EXOC2: variants seen among roughly 807,000 people sequenced by gnomAD.
The protein encoded by EXOC2 is exocyst complex component 2.
EXOC2 carries 70 observed loss-of-function variants against 131.8 expected under a neutral mutation model. The observed-to-expected ratio is 0.53, with a 90% CI of 0.44 to 0.65. EXOC2 has a LOEUF of 0.65. EXOC2 is among the 30% of genes least tolerant of loss of function. The pLI, the probability that EXOC2 is intolerant of heterozygous loss-of-function variation, is 0.00. For missense variants in EXOC2, 923 were observed against 1,108.6 expected, an observed-to-expected ratio of 0.83 and a Z score of 2.38; for synonymous variants, 411 against 398.4, an observed-to-expected ratio of 1.03 and a Z score of -0.38.
intron 12 of EXOC2, among the ~76,000 whole-genome samples, chr6:574,737 T>C (rs1271589907): frequency 2.0e-5 from 3 of 152,256 alleles, no homozygotes; most frequent in African/African-American, 7.2e-5. Context: ...CAAAACTCAC[T>C]CTGAATGCTG....
chr6:503,912 CTT>C (rs1203310242), intron 23 of EXOC2, among the ~76,000 whole-genome samples: 1 of 152,212 alleles, frequency 6.6e-6, no homozygotes, highest in East Asian at 1.9e-4. Flanking sequence ...CCAAGTAAGA[CTT>C]TTACTCCCAT....
chr6:536,858 TA>T (rs1766472734), intron 22 of EXOC2, among the ~76,000 whole-genome samples: 1 of 152,144 alleles, frequency 6.6e-6, no homozygotes, highest in African/African-American at 2.4e-5. Context: ...GTTCAAAAGA[TA>T]TTATAAAAAC....
intron 1 of EXOC2, among the ~76,000 whole-genome samples, chr6:677,964 A>ACT (rs1311505472): frequency 1.3e-5 from 2 of 149,554 alleles, no homozygotes; most frequent in Non-Finnish European, 3.0e-5. Flanking sequence ...ACACACACAC[A>ACT]CTCTTCACGT....
At chr6:691,158 C>T (rs968970602) in intron 1 of EXOC2, among the ~76,000 whole-genome samples, 3 of 152,178 alleles carry the variant, frequency 2.0e-5, no homozygotes, top group Non-Finnish European at 2.9e-5. Flanking sequence ...ATTAAAAGTT[C>T]TTTGCTAGAA....
chr6:604,426 C>T (rs1435320827), intron 7 of EXOC2, among the ~76,000 whole-genome samples: 1 of 152,202 alleles, frequency 6.6e-6, no homozygotes, highest in Non-Finnish European at 1.5e-5. Flanking sequence ...AACATGCCTA[C>T]CGTCCACTTC....
At chr6:685,321 G>C (rs1223755005) in intron 1 of EXOC2, among the ~76,000 whole-genome samples, 1 of 152,116 alleles carries the variant, frequency 6.6e-6, no homozygotes, top group Non-Finnish European at 1.5e-5. Context: ...AGTTTCAACA[G>C]TAAAATTAGG....
chr6:543,255 G>A (rs1431297849), intron 22 of EXOC2, among the ~76,000 whole-genome samples: 2 of 152,160 alleles, frequency 1.3e-5, no homozygotes, highest in Admixed American at 1.3e-4. Flanking sequence ...AAAATGTGGT[G>A]CATATACACA....
At chr6:531,196 C>T (rs182729910) in intron 23 of EXOC2, among the ~76,000 whole-genome samples, 5 of 152,266 alleles carry the variant, frequency 3.3e-5, no homozygotes, top group African/African-American at 9.6e-5. Flanking sequence ...TTGAGTCCAG[C>T]TGGAGAGGGG....
At chr6:599,035 T>A (rs1044407120) in intron 8 of EXOC2, 45 bp downstream of exon 8, 10 of 1,570,076 alleles carry the variant, frequency 6.4e-6, no homozygotes, top group Non-Finnish European at 8.6e-6. Context: ...CTTAAAAATG[T>A]ATGACATCTA....
intron 23 of EXOC2, among the ~76,000 whole-genome samples, chr6:526,432 A>ATTTTTTTTTTTTTTTTTTTTTTTTTT (rs70985804): frequency 2.6e-5 from 2 of 76,008 alleles, no homozygotes; most frequent in Non-Finnish European, 4.9e-5. Flanking sequence ...TTCTTTGTGG[A>ATTTTTTTTTTTTTTTTTTTTTTTTTT]TTTTTTTTTT....
intron 1 of EXOC2, among the ~76,000 whole-genome samples, chr6:664,023 C>T (rs1763529415): frequency 1.3e-5 from 2 of 152,234 alleles, no homozygotes; most frequent in Admixed American, 6.5e-5. Context: ...TTATCGTTTA[C>T]CTTGAAAACT....
chr6:691,172 T>C (rs539991159), intron 1 of EXOC2, among the ~76,000 whole-genome samples: 1 of 152,354 alleles, frequency 6.6e-6, no homozygotes, highest in Admixed American at 6.5e-5. Context: ...GCTAGAAGAC[T>C]ATTTTTTCAG....
chr6:598,778 T>A, intron 9 of EXOC2, 82 bp downstream of exon 9: 1 of 1,141,948 alleles, frequency 8.8e-7, no homozygotes, highest in Non-Finnish European at 1.3e-6. Flanking sequence ...TAAAAACTCA[T>A]ATAACATTCT....
At chr6:491,234 C>A in intron 25 of EXOC2, 48 bp from the exon 26 acceptor site, 1 of 1,576,116 alleles carries the variant, frequency 6.3e-7, no homozygotes, top group South Asian at 1.1e-5. Context: ...TTTATATTAT[C>A]AAATATAAAC....
intron 3 of EXOC2, 130 bp from the exon 4 acceptor site, chr6:630,091 G>T: frequency 8.9e-7 from 1 of 1,121,082 alleles, no homozygotes. Context: ...AGAGATTTGA[G>T]GACATAACAG....
At chr6:522,249 C>T (rs184912665) in intron 23 of EXOC2, among the ~76,000 whole-genome samples, 14 of 151,372 alleles carry the variant, frequency 9.2e-5, no homozygotes, top group African/African-American at 7.3e-5. Context: ...AAGGTGTCTC[C>T]AGGCCTCAGG....
chr6:617,542 C>G (rs1242572599), intron 6 of EXOC2, among the ~76,000 whole-genome samples, 169 bp downstream of exon 6: 1 of 152,148 alleles, frequency 6.6e-6, no homozygotes, highest in Admixed American at 6.5e-5. Flanking sequence ...TTTAAAGTAC[C>G]AAGTCTTCAA....
At chr6:507,235 C>CAG (rs1420304042) in intron 23 of EXOC2, among the ~76,000 whole-genome samples, 4 of 74,058 alleles carry the variant, frequency 5.4e-5, no homozygotes, top group African/African-American at 2.4e-4. Context: ...CACACACACA[C>CAG]AGCAGTGACC....
rs1017028111 is a variant in EXOC2, at chr6:633,480, CAT to C, written c.119-365_119-364del. On this transcript the variant is annotated intron_variant, in intron 2 of 27. Transcript: ENST00000230449. ...TATTATTTGAAGTCTCAGTTATTAA[CAT>C]AGAATTTTAAAGTGTATTAATAAAC... is the stretch of plus-strand genomic sequence containing the variant. 2.1e-4 allele frequency among the ~76,000 whole-genome samples: 32 copies of C among 152,308 alleles called. 1 individual carries two copies. The highest frequency in any genetic ancestry group is 7.5e-4 in the African/African-American group (31 of 41,578).
Sources: gnomAD v4.1 joint callset for allele counts (sites outside exome capture counted in the v4.1 genomes callset) on GRCh38, gnomAD v4.1.1 for gene constraint, MANE v1.5 for transcripts, NCBI Gene and HGNC (gene_info 2026-07-23, HGNC 2026-07-21) for gene names.